Variants in CACNA1B observed in about 807,000 individuals in gnomAD.
CACNA1B encodes voltage-dependent N-type calcium channel subunit alpha-1B.
CACNA1B carries 70 observed loss-of-function variants against 247.2 expected under a neutral mutation model. The observed-to-expected ratio is 0.28, with a 90% CI of 0.23 to 0.35. The LOEUF (loss-of-function observed/expected upper bound fraction) is 0.35. Among genes scored for constraint, CACNA1B ranks in the 10% least tolerant of loss-of-function variants. The probability of loss-of-function intolerance (pLI) is 1.00; values close to 1 mark genes in which losing one functional copy is unlikely to be tolerated. For missense variants in CACNA1B, 2,367 were observed against 3,197.4 expected (o/e 0.74, Z 6.26); for synonymous variants, 1,231 against 1,294.4 (o/e 0.95, Z 1.05).
rs1957424562 is a variant in CACNA1B at position 137,917,451 on chromosome 9, T to A, written c.966+20T>A. The A allele has an allele frequency of 6.2e-7, 1 of 1,606,608 alleles. No homozygotes were observed. Among genetic ancestry groups the A allele is most frequent in the East Asian group, 2.2e-5 (1 of 44,852 alleles). ...TATAATGTGAGTGGCGTCTTGGCCC[T>A]GGGCCTGAGGGCAGGCCCTGGACCT... On this transcript the variant is annotated intron_variant, in intron 6 of 46. Coordinates refer to ENST00000371372, the MANE Select transcript of CACNA1B (RefSeq NM_000718.4). The surrounding 1 kb of genome is among the most constrained non-coding windows in gnomAD (Gnocchi z 5.5).
intron 36 of CACNA1B, among the ~76,000 whole-genome samples, chr9:138,082,081 G>A (rs62580950): frequency 0.069 from 10,410 of 151,142 alleles, 562 homozygotes; most frequent in Non-Finnish European, 0.11. Flanking sequence ...TCTTTATGAC[G>A]TTTTACTTAG....
rs757636040 is a variant in CACNA1B at position 138,006,816 on chromosome 9, C to A, written c.2024C>A (p.Ser675Ter). ...WNAVMYHGIE[S>*]QGGVSKGMFS... ...GCAGTGATGTATCACGGGATCGAAT[C>A]GCAAGGCGGCGTCAGCAAAGGCATG... Residue 675 changes from serine to a stop codon, truncating the protein, a stop_gained, in exon 16 of 47, where the codon TCG (serine) becomes TAG (stop). Coordinates refer to ENST00000371372, the MANE Select transcript of CACNA1B (RefSeq NM_000718.4). LOFTEE classifies it high-confidence loss of function. The A allele has an allele frequency of 6.2e-7, 1 of 1,611,784 alleles. No homozygotes were observed. Among genetic ancestry groups the A allele is most frequent in the Non-Finnish European group, 8.5e-7 (1 of 1,177,930 alleles).
chr9:137,939,235 A>G (rs538491385), intron 6 of CACNA1B, among the ~76,000 whole-genome samples: 14 of 152,356 alleles, frequency 9.2e-5, no homozygotes, highest in Non-Finnish European at 1.9e-4. Context: ...AGGTATTTAC[A>G]GAACATTCTA....
intron 15 of CACNA1B, among the ~76,000 whole-genome samples, chr9:137,999,748 A>G (rs1427551904): frequency 2.0e-5 from 3 of 151,884 alleles, no homozygotes; most frequent in African/African-American, 7.3e-5. Flanking sequence ...GGCTCAAGCG[A>G]TCCTCCCACC....
chr9:137,973,193 C>G lies in CACNA1B; in HGVS notation c.1543+1601C>G, dbSNP rs1442786251. Among the ~76,000 whole-genome samples, 2 of 152,178 alleles carry G rather than the reference C, an allele frequency of 1.3e-5. No individual in the cohort carries two copies. The highest frequency in any genetic ancestry group is 2.9e-5 in the Non-Finnish European group (2 of 68,022). Reference sequence around the variant, plus strand: ...GGCGTTGGTGAGGCCACAGGCATCCCTGACCGTAGACCGCTACTGTGTCTT... The same window carrying G: ...GGCGTTGGTGAGGCCACAGGCATCCGTGACCGTAGACCGCTACTGTGTCTT... On this transcript the variant is annotated intron_variant, in intron 11 of 46. Transcript: ENST00000371372. This position sits in a 1 kb window ranked among gnomAD's most constrained non-coding sequence, Gnocchi z 4.1.
chr9:138,010,095 G>C lies in CACNA1B; in HGVS notation c.2160+18G>C, dbSNP rs144379109. The C allele has an allele frequency of 6.2e-7, 1 of 1,605,148 alleles. No homozygotes were observed. Among genetic ancestry groups the C allele is most frequent in the Non-Finnish European group, 8.5e-7 (1 of 1,172,002 alleles). ...TGACCAAGGTAGGTGGCGACAGGGA[G>C]GGACCGGTGTCAGCCCATGTCACTT... On this transcript the variant is annotated intron_variant, in intron 17 of 46. Coordinates refer to ENST00000371372, the MANE Select transcript of CACNA1B (RefSeq NM_000718.4). This position sits in a 1 kb window ranked among gnomAD's most constrained non-coding sequence, Gnocchi z 5.3.
At chr9:137,935,803 C>T (rs1412002374) in intron 6 of CACNA1B, among the ~76,000 whole-genome samples, 1 of 151,776 alleles carries the variant, frequency 6.6e-6, no homozygotes, top group African/African-American at 2.4e-5. Context: ...TTGACGGAGT[C>T]TCACTCTGTT....
At chr9:138,004,726 T>G (rs1462537691) in intron 15 of CACNA1B, among the ~76,000 whole-genome samples, 1 of 152,028 alleles carries the variant, frequency 6.6e-6, no homozygotes, top group Non-Finnish European at 1.5e-5. Flanking sequence ...AAGACTTGGA[T>G]CCATTCATCC....
At chr9:137,991,994 C>A (rs568609281) in intron 15 of CACNA1B, among the ~76,000 whole-genome samples, 2 of 152,170 alleles carry the variant, frequency 1.3e-5, no homozygotes, top group South Asian at 2.1e-4. Flanking sequence ...CTCCTTAAGA[C>A]ACAAATCCAA....
chr9:138,099,512 CTG>C (rs372544208), intron 37 of CACNA1B, among the ~76,000 whole-genome samples: 123 of 151,598 alleles, frequency 8.1e-4, no homozygotes, highest in African/African-American at 2.5e-3. Context: ...GTGCACGTGT[CTG>C]TGGTGTGCAC....
At position 138,118,688 on chromosome 9, in the gene CACNA1B, G is replaced by T; in HGVS notation, c.5950G>T (p.Gly1984Cys). 5 of 1,566,058 alleles carry T rather than the reference G, an allele frequency of 3.2e-6. No individual in the cohort carries two copies. Among genetic ancestry groups the T allele is most frequent in the Non-Finnish European group, 4.3e-6 (5 of 1,154,902 alleles). Reference protein sequence around the residue: ...DVQMQSITRRGPDGEPQPGLE... With the variant: ...DVQMQSITRRCPDGEPQPGLE... ...TCAGATGCAGAGCATAACCCGGAGG[G>T]GCCCTGATGGGGAGCCCCAGCCTGG... The change falls in exon 44 of 47, where the codon GGC becomes TGC. Residue 1984 changes from glycine to cysteine, a missense_variant. By Grantham distance (159) the Gly-to-Cys change is radical. Transcript: ENST00000371372.
intron 21 of CACNA1B, among the ~76,000 whole-genome samples, chr9:138,044,560 G>C (rs1435204753): frequency 6.6e-6 from 1 of 152,264 alleles, no homozygotes; most frequent in African/African-American, 2.4e-5. Flanking sequence ...ACCATTGGGT[G>C]CTAAAACTTA....
chr9:138,063,585 C>G (rs991253716), intron 31 of CACNA1B, among the ~76,000 whole-genome samples: 3 of 152,250 alleles, frequency 2.0e-5, no homozygotes, highest in Non-Finnish European at 4.4e-5. Flanking sequence ...GCTGTGGATA[C>G]AAACTGCTTC....
chr9:137,986,601 C>T lies in CACNA1B; in HGVS notation c.1901+57C>T. 6.2e-7 allele frequency: 1 copy of T among 1,602,994 alleles called. No homozygotes were observed. Among genetic ancestry groups the T allele is most frequent in the Non-Finnish European group, 8.5e-7 (1 of 1,171,558 alleles). On this transcript the variant is annotated intron_variant, in intron 14 of 46. Transcript: ENST00000371372. This position sits in a 1 kb window ranked among gnomAD's most constrained non-coding sequence, Gnocchi z 6.0. ...TGGGGGCTTGCAGGGAAGCAGAGCT[C>T]AGAGCAGACGGTGCCGCCCAGGCTG...
intron 10 of CACNA1B, among the ~76,000 whole-genome samples, chr9:137,962,883 T>C (rs1040038700): frequency 6.6e-6 from 1 of 152,168 alleles, no homozygotes; most frequent in Non-Finnish European, 1.5e-5. Flanking sequence ...GAGTTCTGTA[T>C]ATATCTATCA....
chr9:138,093,562 GA>G (rs1044740141), intron 36 of CACNA1B, among the ~76,000 whole-genome samples: 4 of 151,848 alleles, frequency 2.6e-5, no homozygotes, highest in Non-Finnish European at 5.9e-5. Flanking sequence ...CCAACATGGT[GA>G]AATTCTGGCT....
At chr9:138,117,658 T>C (rs1338553328) in intron 42 of CACNA1B, among the ~76,000 whole-genome samples, 1 of 152,316 alleles carries the variant, frequency 6.6e-6, no homozygotes, top group East Asian at 1.9e-4. Context: ...CACTGTGGGC[T>C]GTAAGCTGGT....
At chr9:138,096,318 G>A (rs1213390186) in intron 36 of CACNA1B, among the ~76,000 whole-genome samples, 166 bp from the exon 37 acceptor site, 8 of 151,958 alleles carry the variant, frequency 5.3e-5, no homozygotes, top group Non-Finnish European at 1.2e-4. Context: ...GTGAAGGCAG[G>A]AAGTCTTGGA....
intron 39 of CACNA1B, among the ~76,000 whole-genome samples, chr9:138,108,154 C>T (rs1252070273): frequency 3.3e-5 from 5 of 151,334 alleles, no homozygotes; most frequent in African/African-American, 1.2e-4. Context: ...CCGGGCAACA[C>T]AGGGAGCCCC....
Sources: gnomAD v4.1 joint callset for allele counts (sites outside exome capture counted in the v4.1 genomes callset) on GRCh38, gnomAD v4.1.1 for gene constraint, Gnocchi (gnomAD v3.1) non-coding constraint, MANE v1.5 for transcripts, NCBI Gene and HGNC (gene_info 2026-07-23, HGNC 2026-07-21) for gene names.